The following CA8 variants were observed in gnomAD, a reference collection of about 807,000 sequenced individuals.
CA8 encodes carbonic anhydrase-related protein.
A neutral mutation model predicts 41.4 loss-of-function variants in CA8; 22 were observed. The ratio of observed to expected loss-of-function variants is 0.53; its 90% CI spans 0.38 to 0.76. The LOEUF is 0.76. CA8 is among the 30% of genes least tolerant of loss of function. CA8 has a pLI of 0.00. For synonymous variants in CA8, 121 were observed against 130.6 expected (o/e 0.93, Z 0.50); for missense variants, 270 against 352.8 (o/e 0.77, Z 1.88).
chr8:60,269,414 AT>A, intron 2 of CA8, among the ~76,000 whole-genome samples: 1 of 152,172 alleles, frequency 6.6e-6, no homozygotes, highest in East Asian at 1.9e-4. Flanking sequence ...GACAGGCTGA[AT>A]TTTTTTAGAA....
intron 7 of CA8, 100 bp from the exon 8 acceptor site, chr8:60,209,019 G>T (rs1806739721): frequency 8.0e-7 from 1 of 1,249,958 alleles, no homozygotes. Flanking sequence ...TAAATTACAA[G>T]AATTATTGAA....
chr8:60,203,015 A>G (rs1806477126), intron 8 of CA8, among the ~76,000 whole-genome samples: 1 of 151,866 alleles, frequency 6.6e-6, no homozygotes, highest in Non-Finnish European at 1.5e-5. Context: ...GTGCAGTAGA[A>G]AACAAAAAAA....
chr8:60,212,417 C>G (rs1233795970), intron 7 of CA8, among the ~76,000 whole-genome samples: 1 of 152,162 alleles, frequency 6.6e-6, no homozygotes, highest in Admixed American at 6.5e-5. Flanking sequence ...ATCCATTAAC[C>G]CATCTATGGA....
At chr8:60,202,569 T>A (rs1489355040) in intron 8 of CA8, among the ~76,000 whole-genome samples, 1 of 152,188 alleles carries the variant, frequency 6.6e-6, no homozygotes, top group Non-Finnish European at 1.5e-5. Context: ...AAACTATTTT[T>A]TAATTTACAC....
At chr8:60,211,841 T>A (rs1422569703) in intron 7 of CA8, among the ~76,000 whole-genome samples, 2 of 152,182 alleles carry the variant, frequency 1.3e-5, no homozygotes, top group Admixed American at 6.6e-5. Flanking sequence ...TTCAAATGGT[T>A]TCAAGTGCAT....
At chr8:60,196,669 G>A (rs927974479) in intron 8 of CA8, among the ~76,000 whole-genome samples, 3 of 151,882 alleles carry the variant, frequency 2.0e-5, no homozygotes, top group Non-Finnish European at 1.5e-5. Flanking sequence ...ATCCTAATAG[G>A]ATTCCTTTTT....
At chr8:60,229,716 C>T (rs138644671) in intron 4 of CA8, among the ~76,000 whole-genome samples, 6 of 152,290 alleles carry the variant, frequency 3.9e-5, no homozygotes, top group Non-Finnish European at 8.8e-5. Context: ...CCGGGCCATC[C>T]AGCTCTCCTG....
At chr8:60,250,227 TA>T (rs1808397807) in intron 3 of CA8, among the ~76,000 whole-genome samples, 1 of 152,320 alleles carries the variant, frequency 6.6e-6, no homozygotes, top group African/African-American at 2.4e-5. Context: ...GCTGCTGCAA[TA>T]AATCTCATTC....
Position 60,211,912 on chromosome 8 carries a change from T to C in CA8, c.739-2993A>G, listed in dbSNP as rs139065642. Among the ~76,000 whole-genome samples the C allele has an allele frequency of 3.8e-3, 580 of 152,340 alleles. 3 individuals are homozygous for C. Among genetic ancestry groups the C allele is most frequent in the Non-Finnish European group, 6.6e-3 (452 of 68,040 alleles). ...AAATGAACAGAATAATAGAATAATA[T>C]TTCAGGATAGAAATCTTTAATGAAA... On this transcript the variant is annotated intron_variant, in intron 7 of 8. Coordinates refer to ENST00000317995, the MANE Select transcript of CA8 (RefSeq NM_004056.6).
chr8:60,210,062 T>A (rs1374710122), intron 7 of CA8, among the ~76,000 whole-genome samples: 1 of 152,240 alleles, frequency 6.6e-6, no homozygotes, highest in African/African-American at 2.4e-5. Flanking sequence ...GACACATTCT[T>A]CATTCCATAT....
chr8:60,234,085 T>C (rs1807748295), intron 3 of CA8, among the ~76,000 whole-genome samples: 1 of 152,228 alleles, frequency 6.6e-6, no homozygotes, highest in Admixed American at 6.5e-5. Context: ...GTCATGTTGA[T>C]AGGGTGTATG....
intron 8 of CA8, among the ~76,000 whole-genome samples, chr8:60,195,070 T>C (rs1806242895): frequency 1.3e-5 from 2 of 152,214 alleles, no homozygotes; most frequent in African/African-American, 2.4e-5. Context: ...ATATATGAAG[T>C]TAAGGCTGAA....
rs369445149 is a variant in CA8, at chr8:60,280,080, A to G, written c.101-200T>C. Among the ~76,000 whole-genome samples, 91 of 152,328 alleles carry G rather than the reference A, an allele frequency of 6.0e-4. 1 individual carries two copies. The South Asian group carries it at 0.018, about 31-fold the overall frequency. On this transcript the variant is annotated intron_variant, in intron 1 of 8. Coordinates refer to ENST00000317995, the MANE Select transcript of CA8 (RefSeq NM_004056.6). ...TCTGTTATTATCAAATACCATACACAAAATCCCGGACTAGCAAAATATTCT... is the reference window on the plus strand; with the variant it reads ...TCTGTTATTATCAAATACCATACACGAAATCCCGGACTAGCAAAATATTCT...
chr8:60,248,106 T>C (rs915986309), intron 3 of CA8, among the ~76,000 whole-genome samples: 1 of 152,054 alleles, frequency 6.6e-6, no homozygotes, highest in Non-Finnish European at 1.5e-5. Flanking sequence ...GTTTTTTTTT[T>C]TTACCTTGTA....
In CA8 at chr8:60,191,177, CAG is replaced by C. The variant is rs558881346; in HGVS notation, c.*36-1194_*36-1193del. On this transcript the variant is annotated intron_variant, in intron 8 of 8. Transcript: ENST00000317995. Reference sequence around the variant, plus strand: ...AAATTTTTTAATCTTTTTAAATTGACAGAAAATATTGTAGATATTTATCATGT... The same window carrying C: ...AAATTTTTTAATCTTTTTAAATTGACAAAATATTGTAGATATTTATCATGT... Among the ~76,000 whole-genome samples the C allele has an allele frequency of 3.5e-3, 530 of 151,674 alleles. 3 individuals carry two copies. The highest frequency in any genetic ancestry group is 0.012 in the African/African-American group (489 of 41,372).
intron 3 of CA8, among the ~76,000 whole-genome samples, chr8:60,253,826 T>C (rs1289865725): frequency 6.6e-6 from 1 of 152,178 alleles, no homozygotes; most frequent in African/African-American, 2.4e-5. Context: ...CAACAGCCAT[T>C]CCCTTCTAGA....
intron 8 of CA8, among the ~76,000 whole-genome samples, chr8:60,200,534 G>GA (rs1346124840): frequency 2.0e-5 from 3 of 152,086 alleles, no homozygotes; most frequent in Non-Finnish European, 4.4e-5. Context: ...ATAATAACAA[G>GA]AAGGTAAATC....
At chr8:60,222,132 A>G (rs1337488080) in intron 7 of CA8, among the ~76,000 whole-genome samples, 1 of 152,232 alleles carries the variant, frequency 6.6e-6, no homozygotes. Flanking sequence ...CCCACCGTGC[A>G]GTACCATTTA....
At chr8:60,220,876 T>C (rs191397605) in intron 7 of CA8, among the ~76,000 whole-genome samples, 2 of 152,262 alleles carry the variant, frequency 1.3e-5, no homozygotes, top group East Asian at 1.9e-4. Context: ...AAGATCCCTG[T>C]TGAGATCCTT....
Sources: allele counts gnomAD v4.1 joint callset (sites outside exome capture counted in the v4.1 genomes callset), GRCh38; gene constraint gnomAD v4.1.1; transcripts MANE v1.5; gene names NCBI Gene and HGNC (gene_info 2026-07-23, HGNC 2026-07-21).